The following CSGALNACT2 variants were observed in gnomAD, a reference collection of about 807,000 sequenced individuals.
The protein encoded by CSGALNACT2 is chondroitin sulfate N-acetylgalactosaminyltransferase 2, also known as beta 4 GalNAcT-2.
CSGALNACT2 carries 35 observed loss-of-function variants against 55.3 expected under a neutral mutation model. The ratio of observed to expected loss-of-function variants is 0.63; its 90% confidence interval spans 0.48 to 0.84. CSGALNACT2 has a LOEUF of 0.84. Ranked by LOEUF, CSGALNACT2 falls within the 40% of genes least tolerant of loss-of-function variation. The probability of loss-of-function intolerance (pLI) is 0.00; values close to 1 mark genes in which losing one functional copy is unlikely to be tolerated. For missense variants in CSGALNACT2, 544 were observed against 657.5 expected (o/e 0.83, Z 1.89); for synonymous variants, 196 against 224.9 (o/e 0.87, Z 1.15).
intron 4 of CSGALNACT2, chr10:43,162,751 T>C: frequency 1.1e-6 from 1 of 940,268 alleles, no homozygotes; most frequent in Non-Finnish European, 1.3e-6. Flanking sequence ...TGTGAAAATG[T>C]AGAGGCTTCT....
intron 7 of CSGALNACT2, among the ~76,000 whole-genome samples, chr10:43,176,534 T>C (rs960256988): frequency 1.3e-5 from 2 of 152,234 alleles, no homozygotes; most frequent in South Asian, 2.1e-4. Flanking sequence ...AATCACACCT[T>C]AGTCATGCAT....
intron 2 of CSGALNACT2, among the ~76,000 whole-genome samples, 181 bp downstream of exon 2, chr10:43,155,991 A>G (rs1358881571): frequency 6.6e-6 from 1 of 152,228 alleles, no homozygotes; most frequent in African/African-American, 2.4e-5. Flanking sequence ...TTTGCACTTC[A>G]TTGCACCAAG....
intron 2 of CSGALNACT2, among the ~76,000 whole-genome samples, chr10:43,157,710 C>T (rs1839044950): frequency 6.6e-6 from 1 of 152,088 alleles, no homozygotes; most frequent in Admixed American, 6.6e-5. Flanking sequence ...GTCTAACCTT[C>T]TTCTCTCTCC....
intron 2 of CSGALNACT2, among the ~76,000 whole-genome samples, chr10:43,157,832 C>G (rs933841880): frequency 6.6e-6 from 1 of 151,910 alleles, no homozygotes; most frequent in Non-Finnish European, 1.5e-5. Context: ...AGATCAAGAC[C>G]ATCCTGGCCA....
chr10:43,166,056 T>G (rs1187315595), intron 5 of CSGALNACT2, among the ~76,000 whole-genome samples: 2 of 152,222 alleles, frequency 1.3e-5, no homozygotes, highest in Admixed American at 6.5e-5. Context: ...AATGATTGCC[T>G]TCTTATTAAT....
intron 6 of CSGALNACT2, among the ~76,000 whole-genome samples, chr10:43,171,936 C>A (rs575329045): frequency 6.6e-6 from 1 of 152,156 alleles, no homozygotes; most frequent in African/African-American, 2.4e-5. Flanking sequence ...GTCAGCCTTA[C>A]TAGGAATAAT....
chr10:43,158,317 G>A (rs1588900586), intron 2 of CSGALNACT2, among the ~76,000 whole-genome samples: 2 of 152,076 alleles, frequency 1.3e-5, no homozygotes, highest in Admixed American at 6.6e-5. Flanking sequence ...TAACTGACAC[G>A]AAGGCACTCG....
chr10:43,149,258 T>G (rs540769934), intron 1 of CSGALNACT2, among the ~76,000 whole-genome samples: 12 of 152,278 alleles, frequency 7.9e-5, no homozygotes, highest in African/African-American at 2.4e-4. Context: ...GCTAATTTTT[T>G]GTATTTTTAG....
rs755285000 is a variant in CSGALNACT2 at position 43,158,700 on chromosome 10, A to G, written c.662-15A>G. On this transcript the variant is annotated splice_polypyrimidine_tract_variant and intron_variant, in intron 2 of 7. Transcript: ENST00000374466. ...TTGACATGGAGACGTCTTTGTTCCT[A>G]ACTCTTTCCTTTAGGTTATTATCGC... is the stretch of plus-strand genomic sequence containing the variant. 3.4e-6 allele frequency: 5 copies of G among 1,484,120 alleles called. No homozygotes were observed. In the East Asian group the frequency reaches 9.0e-5, roughly 27 times the overall value. The allele number at this position is 1,484,120 out of a possible 1,614,324, so 91.9% of individuals were successfully genotyped here.
intron 7 of CSGALNACT2, among the ~76,000 whole-genome samples, chr10:43,179,563 C>T (rs1395380023): frequency 6.6e-6 from 1 of 152,182 alleles, no homozygotes; most frequent in Non-Finnish European, 1.5e-5. Context: ...TTATCTCTTT[C>T]CATGCCTCCA....
intron 3 of CSGALNACT2, among the ~76,000 whole-genome samples, chr10:43,159,520 A>G (rs1839098761): frequency 6.6e-6 from 1 of 152,266 alleles, no homozygotes; most frequent in Non-Finnish European, 1.5e-5. Flanking sequence ...GTCTTTTGAC[A>G]AACGTATACA....
At chr10:43,161,408 A>T (rs1396077548) in intron 4 of CSGALNACT2, among the ~76,000 whole-genome samples, 2 of 152,196 alleles carry the variant, frequency 1.3e-5, no homozygotes, top group African/African-American at 4.8e-5. Flanking sequence ...CCAGCTCTAT[A>T]TCCTTTACTT....
chr10:43,160,286 A>G (rs1228204304), intron 3 of CSGALNACT2, among the ~76,000 whole-genome samples: 1 of 152,222 alleles, frequency 6.6e-6, no homozygotes, highest in East Asian at 1.9e-4. Flanking sequence ...AATGGCAGCA[A>G]TGTCAGACTG....
Position 43,176,038 on chromosome 10 carries a change from T to A in CSGALNACT2, c.1336+6T>A. ...TTCAGATTTCCTGACCATTGGTAAGTATACTTTACATTTAAGGATAGGACT... is the reference window on the plus strand; with the variant it reads ...TTCAGATTTCCTGACCATTGGTAAGAATACTTTACATTTAAGGATAGGACT... On this transcript the variant is annotated splice_donor_region_variant and intron_variant, in intron 7 of 7. Coordinates refer to ENST00000374466, the MANE Select transcript of CSGALNACT2 (RefSeq NM_018590.5). The A allele has an allele frequency of 6.3e-7, 1 of 1,594,738 alleles. No homozygotes were observed. Among genetic ancestry groups the A allele is most frequent in the Non-Finnish European group, 8.5e-7 (1 of 1,171,550 alleles).
chr10:43,158,236 A>G (rs1276055800), intron 2 of CSGALNACT2, among the ~76,000 whole-genome samples: 1 of 151,722 alleles, frequency 6.6e-6, no homozygotes, highest in South Asian at 2.1e-4. Flanking sequence ...TTATTTGTCT[A>G]TTTTTCTGTC....
intron 5 of CSGALNACT2, among the ~76,000 whole-genome samples, chr10:43,165,980 A>C (rs564052269): frequency 9.8e-5 from 15 of 152,358 alleles, no homozygotes; most frequent in African/African-American, 3.4e-4. Context: ...AAAAAATAAA[A>C]ATAAAAATGT....
chr10:43,146,817 T>C (rs1023646731), intron 1 of CSGALNACT2, among the ~76,000 whole-genome samples: 1 of 152,004 alleles, frequency 6.6e-6, no homozygotes, highest in Non-Finnish European at 1.5e-5. Flanking sequence ...ATCAGCAGTG[T>C]ATGAAAGTTC....
At chr10:43,157,478 ACTT>A (rs945702377) in intron 2 of CSGALNACT2, among the ~76,000 whole-genome samples, 20 of 152,088 alleles carry the variant, frequency 1.3e-4, no homozygotes, top group Non-Finnish European at 1.2e-4. Flanking sequence ...CTCAGATATC[ACTT>A]CTTCTGAGAA....
intron 7 of CSGALNACT2, among the ~76,000 whole-genome samples, chr10:43,176,910 T>C (rs1839491338): frequency 6.6e-6 from 1 of 152,212 alleles, no homozygotes; most frequent in Admixed American, 6.5e-5. Flanking sequence ...TGTCAAAGAA[T>C]AGTTTAATAA....
Sources: gnomAD v4.1 joint callset for allele counts (sites outside exome capture counted in the v4.1 genomes callset) on GRCh38, gnomAD v4.1.1 for gene constraint, MANE v1.5 for transcripts, NCBI Gene and HGNC (gene_info 2026-07-23, HGNC 2026-07-21) for gene names.